Variants in BUB1B observed in about 807,000 individuals in gnomAD.
BUB1B encodes the protein mitotic checkpoint serine/threonine-protein kinase BUB1 beta.
BUB1B carries 86 observed loss-of-function variants against 137.7 expected under a neutral mutation model. The ratio of observed to expected loss-of-function variants is 0.62; its 90% CI spans 0.52 to 0.75. BUB1B has a LOEUF of 0.75. Ranked by LOEUF, BUB1B falls within the 30% of genes least tolerant of loss-of-function variation. The pLI, the probability that BUB1B is intolerant of heterozygous loss-of-function variation, is 0.00. For synonymous variants in BUB1B, 420 were observed against 417.9 expected (o/e 1.00, Z -0.06); for missense variants, 1,130 against 1,236.9 (o/e 0.91, Z 1.30).
chr15:40,218,200 A>G (rs1476587998), intron 21 of BUB1B, among the ~76,000 whole-genome samples: 3 of 152,238 alleles, frequency 2.0e-5, no homozygotes, highest in South Asian at 4.1e-4. Context: ...CAAACTCAGT[A>G]GGTCTACAAA....
chr15:40,164,368 T>C (rs1015601290), intron 1 of BUB1B, among the ~76,000 whole-genome samples: 1 of 152,018 alleles, frequency 6.6e-6, no homozygotes, highest in Non-Finnish European at 1.5e-5. Flanking sequence ...GCCACGACCA[T>C]GGGCGTGTAC....
At chr15:40,184,014 C>A in intron 6 of BUB1B, 131 bp downstream of exon 6, 1 of 930,226 alleles carries the variant, frequency 1.1e-6, no homozygotes, top group Non-Finnish European at 1.7e-6. Context: ...AGAAGGAAGT[C>A]AAAGGAGAGC....
At chr15:40,218,611 G>T (rs747449649) in intron 22 of BUB1B, 49 bp downstream of exon 22, 3 of 1,395,764 alleles carry the variant, frequency 2.1e-6, no homozygotes, top group African/African-American at 2.8e-5. Context: ...ATAATTTTCT[G>T]TTTCTCTTGG....
chr15:40,178,224 C>T (rs2037244491), intron 5 of BUB1B, among the ~76,000 whole-genome samples: 1 of 152,010 alleles, frequency 6.6e-6, no homozygotes, highest in South Asian at 2.1e-4. Context: ...CCCTTCTAAG[C>T]ACTGCTTTAG....
At chr15:40,196,501 T>C in intron 8 of BUB1B, 44 bp from the exon 9 acceptor site, 1 of 1,490,498 alleles carries the variant, frequency 6.7e-7, no homozygotes, top group Non-Finnish European at 9.3e-7. Flanking sequence ...TATTGATTTT[T>C]TTTATTTTGA....
Position 40,190,888 on chromosome 15 carries a change from A to ATT in BUB1B, c.1058+5262_1058+5263dup, listed in dbSNP as rs1399316223. Among the ~76,000 whole-genome samples, 485 of 141,266 alleles carry ATT rather than the reference A, an allele frequency of 3.4e-3. 5 individuals carry two copies. Among genetic ancestry groups the ATT allele is most frequent in the African/African-American group, 0.012 (462 of 38,590 alleles). The allele number at this position is 141,266 out of a possible 152,430, so 92.7% of individuals were successfully genotyped here. On this transcript the variant is annotated intron_variant, in intron 8 of 22. Transcript: ENST00000287598. ...ATCAGGATAGTCAGAACGCCTTGTA[A>ATT]TTTTTTTTTTTTTTTTTGAGACCGA...
chr15:40,220,424 A>C (rs932308460), intron 22 of BUB1B, 140 bp from the exon 23 acceptor site: 17 of 838,858 alleles, frequency 2.0e-5, no homozygotes, highest in Non-Finnish European at 2.8e-5. Flanking sequence ...TCAAAGGACT[A>C]TTTGAATGAT....
rs779581144 is a variant in BUB1B at position 40,212,520 on chromosome 15, T to A, written c.2407T>A (p.Trp803Arg). 1.2e-6 allele frequency: 2 copies of A among 1,612,936 alleles called. No individual in the cohort carries two copies. The highest frequency in any genetic ancestry group is 8.5e-7 in the Non-Finnish European group (1 of 1,179,178). Residue 803 changes from tryptophan (W) to arginine (R), a missense_variant, in exon 19 of 23, where the codon TGG becomes AGG. Coordinates refer to ENST00000287598, the MANE Select transcript of BUB1B (RefSeq NM_001211.6). ...ACAGGTATCTTCTCAACCTGTCCCA[T>A]GGGACTTTTATATCAACCTCAAGTT... ...VIKVSSQPVP[W>R]DFYINLKLKE... is the part of the protein sequence containing the mutation.
rs568857833 is a variant in BUB1B at position 40,202,454 on chromosome 15, G to A, written c.1617G>A (p.Lys539=). The A allele has an allele frequency of 1.6e-5, 25 of 1,611,962 alleles. No homozygotes were observed. Among genetic ancestry groups the A allele is most frequent in the Non-Finnish European group, 2.0e-5 (24 of 1,179,180 alleles). ...TTGATGAGTTTCTTCTTTCAGAAAA[G>A]AAGAATAAAAGGTACGTTGTTTTTT... is the stretch of plus-strand genomic sequence containing the variant. ...SIFDEFLLSE[K]KNKSPPADPP... Residue 539 remains lysine (K), a synonymous_variant, in exon 13 of 23, where the codon AAG becomes AAA. Coordinates refer to ENST00000287598, the MANE Select transcript of BUB1B (RefSeq NM_001211.6).
At chr15:40,177,781 A>G (rs1322466166) in intron 5 of BUB1B, among the ~76,000 whole-genome samples, 1 of 147,168 alleles carries the variant, frequency 6.8e-6, no homozygotes, top group Non-Finnish European at 1.5e-5. Flanking sequence ...ATAATTCTCC[A>G]TTTATTTAGG....
rs1470018141 is a variant in BUB1B, at chr15:40,161,281, G to A, written c.35+26G>A. On this transcript the variant is annotated intron_variant, in intron 1 of 22. Transcript: ENST00000287598. The stretch of plus-strand genomic sequence containing the variant: ...GTAGGTACGGGAGAAAGCTGCTGGG[G>A]GCTGGGCCTGAGAGGACACGGCCTG... 3 of 1,608,426 alleles carry A rather than the reference G, an allele frequency of 1.9e-6. 1 individual carries two copies. The highest frequency in any genetic ancestry group is 4.5e-5 in the East Asian group (2 of 44,712).
At chr15:40,193,323 G>A (rs565911858) in intron 8 of BUB1B, among the ~76,000 whole-genome samples, 4 of 152,078 alleles carry the variant, frequency 2.6e-5, no homozygotes, top group African/African-American at 9.6e-5. Context: ...AGCATTCAGT[G>A]TTGTCAATAT....
At position 40,210,124 on chromosome 15, in the gene BUB1B, T is replaced by G; in HGVS notation, c.2299T>G (p.Cys767Gly). 1.2e-6 allele frequency: 2 copies of G among 1,609,630 alleles called. No homozygotes were observed. The highest frequency in any genetic ancestry group is 1.7e-6 in the Non-Finnish European group (2 of 1,176,148). Residue 767 changes from cysteine (C) to glycine (G), a missense_variant, in exon 18 of 23, where the codon TGC (cysteine) becomes GGC (glycine). Physicochemically the swap from Cys to Gly is radical, Grantham distance 159 (BLOSUM62 -3). Coordinates refer to ENST00000287598, the MANE Select transcript of BUB1B (RefSeq NM_001211.6). ...TTTCTCAACAGGTAATGAGGATTAC[T>G]GCATTAAACGAGAATACCTAATATG... is the stretch of plus-strand genomic sequence containing the variant. Reference protein sequence around the residue: ...KEIELGNEDYCIKREYLICED... With the variant: ...KEIELGNEDYGIKREYLICED...
rs34300396 is a variant in BUB1B, at chr15:40,180,251, CTT to C, written c.582-3444_582-3443del. Among the ~76,000 whole-genome samples the C allele has an allele frequency of 3.4e-3, 305 of 90,492 alleles. 4 individuals carry two copies. Among genetic ancestry groups the C allele is most frequent in the African/African-American group, 0.013 (285 of 22,596 alleles). The allele number at this position is 90,492 out of a possible 152,430, so 59.4% of individuals were successfully genotyped here. A position where few individuals can be genotyped will look rare whatever the true frequency, so the allele number is the denominator to read the frequency against. ...AGAATTCTGGGTCAACGTTTCGTTT[CTT>C]TTTTTTTTTTTTTTTTTTGAGATGG... On this transcript the variant is annotated intron_variant, in intron 5 of 22. Coordinates refer to ENST00000287598, the MANE Select transcript of BUB1B (RefSeq NM_001211.6).
intron 17 of BUB1B, 85 bp downstream of exon 17, chr15:40,209,860 C>A: frequency 1.3e-6 from 2 of 1,524,484 alleles, no homozygotes; most frequent in Admixed American, 1.7e-5. Context: ...TGCTTGAGCA[C>A]TGTAAATATT....
intron 6 of BUB1B, among the ~76,000 whole-genome samples, chr15:40,184,482 T>G (rs552373430): frequency 1.3e-5 from 2 of 152,202 alleles, no homozygotes; most frequent in African/African-American, 4.8e-5. Context: ...CACTGACTAT[T>G]TTTTAGAGTA....
chr15:40,198,899 G>T (rs1229195277), intron 9 of BUB1B, among the ~76,000 whole-genome samples: 2 of 152,062 alleles, frequency 1.3e-5, no homozygotes, highest in African/African-American at 4.8e-5. Flanking sequence ...GACCAGCCTG[G>T]GCAATATAGC....
intron 2 of BUB1B, among the ~76,000 whole-genome samples, chr15:40,168,206 A>G (rs1207180034): frequency 6.6e-6 from 1 of 152,150 alleles, no homozygotes; most frequent in Non-Finnish European, 1.5e-5. Context: ...TGTCTCAACT[A>G]AAAATACAAA....
At position 40,206,450 on chromosome 15, in the gene BUB1B, G is replaced by A. The variant is rs2037638403; in HGVS notation, c.2001G>A (p.Lys667=). ...TCTACAGTCAGACTCTCAGCATCAAGAAGCTGAGGTGATTGGGGATTTACA... is the reference window on the plus strand; with the variant it reads ...TCTACAGTCAGACTCTCAGCATCAAAAAGCTGAGGTGATTGGGGATTTACA... The part of the protein sequence containing the change: ...GTIYSQTLSI[K]KLSPIIEDSR... The change falls in exon 15 of 23, where the codon AAG becomes AAA. Residue 667 remains lysine (K), a synonymous_variant. Transcript: ENST00000287598. 6.2e-7 allele frequency: 1 copy of A among 1,614,200 alleles called. No homozygotes were observed. The highest frequency in any genetic ancestry group is 8.5e-7 in the Non-Finnish European group (1 of 1,180,038).
Sources: gnomAD v4.1 joint callset for allele counts (sites outside exome capture counted in the v4.1 genomes callset) on GRCh38, gnomAD v4.1.1 for gene constraint, MANE v1.5 for transcripts, NCBI Gene and HGNC (gene_info 2026-07-23, HGNC 2026-07-21) for gene names.